SCYL3: variants seen among roughly 807,000 people sequenced by gnomAD.
SCYL3 encodes the protein SCY1 like pseudokinase 3, also known as protein-associating with the carboxyl-terminal domain of ezrin.
Under a neutral mutation model 73.8 loss-of-function variants are expected in SCYL3, and 35 were observed. The ratio of observed to expected loss-of-function variants is 0.47; its 90% CI spans 0.36 to 0.63. The LOEUF is 0.63. Ranked by LOEUF, SCYL3 falls within the 20% of genes least tolerant of loss-of-function variation. SCYL3 has a pLI of 0.00. For missense variants in SCYL3, 712 were observed against 798.9 expected, an observed-to-expected ratio of 0.89 and a Z score of 1.31; for synonymous variants, 277 against 295.2, an observed-to-expected ratio of 0.94 and a Z score of 0.63.
At chr1:169,883,135 G>A (rs1432195623) in intron 2 of SCYL3, among the ~76,000 whole-genome samples, 1 of 151,996 alleles carries the variant, frequency 6.6e-6, no homozygotes, top group Admixed American at 6.6e-5. Flanking sequence ...CCGAACATGA[G>A]AAGGAACAAA....
chr1:169,870,085 C>G (rs562430647), intron 6 of SCYL3, among the ~76,000 whole-genome samples, 170 bp downstream of exon 6: 4 of 152,262 alleles, frequency 2.6e-5, no homozygotes, highest in African/African-American at 9.6e-5. Flanking sequence ...CTAATGAAAC[C>G]CAAAGCTTCT....
At chr1:169,876,211 C>T (rs1660792134) in intron 3 of SCYL3, 120 bp from the exon 4 acceptor site, 2 of 503,200 alleles carry the variant, frequency 4.0e-6, no homozygotes, top group Admixed American at 8.4e-5. Context: ...AAATACTAAT[C>T]ACCAAAAAAA....
intron 10 of SCYL3, 45 bp downstream of exon 10, chr1:169,862,568 T>A (rs778227001): frequency 4.4e-6 from 7 of 1,600,940 alleles, no homozygotes; most frequent in Non-Finnish European, 6.0e-6. Flanking sequence ...TCAGCACTCT[T>A]CCCTCAGGTT....
chr1:169,861,447 G>A (rs756286582), intron 10 of SCYL3, among the ~76,000 whole-genome samples: 16 of 152,282 alleles, frequency 1.1e-4, no homozygotes, highest in East Asian at 5.8e-4. Flanking sequence ...AGAGAAAGGC[G>A]CAGCCTCTCA....
chr1:169,866,543 C>T (rs529901170), intron 8 of SCYL3, among the ~76,000 whole-genome samples: 6 of 152,342 alleles, frequency 3.9e-5, no homozygotes, highest in Admixed American at 1.3e-4. Flanking sequence ...CAACTGTTTG[C>T]GGTTCCTGCA....
At chr1:169,888,310 C>T (rs1661817587) in intron 2 of SCYL3, among the ~76,000 whole-genome samples, 1 of 152,216 alleles carries the variant, frequency 6.6e-6, no homozygotes, top group Non-Finnish European at 1.5e-5. Flanking sequence ...AAGCTGAAGC[C>T]TCCAGAATGA....
intron 10 of SCYL3, among the ~76,000 whole-genome samples, chr1:169,860,356 A>G (rs942766993): frequency 1.6e-4 from 25 of 152,236 alleles, no homozygotes; most frequent in Non-Finnish European, 3.4e-4. Context: ...TGCTCTGCAT[A>G]TAAGGAAGGA....
intron 9 of SCYL3, 60 bp downstream of exon 9, chr1:169,864,309 A>G: frequency 6.2e-7 from 1 of 1,602,578 alleles, no homozygotes; most frequent in Non-Finnish European, 8.5e-7. Context: ...TCCTGCTCAA[A>G]TATGGACTAA....
At chr1:169,885,745 TA>T (rs1350029126) in intron 2 of SCYL3, among the ~76,000 whole-genome samples, 1 of 152,144 alleles carries the variant, frequency 6.6e-6, no homozygotes, top group Non-Finnish European at 1.5e-5. Context: ...GTTCAATAGG[TA>T]AGTGAAAATA....
chr1:169,890,067 G>C (rs1035495648), intron 1 of SCYL3, among the ~76,000 whole-genome samples: 1 of 152,170 alleles, frequency 6.6e-6, no homozygotes, highest in African/African-American at 2.4e-5. Context: ...AGTACTGGCA[G>C]CCTGGCAGAG....
chr1:169,888,636 TA>T, intron 2 of SCYL3, 39 bp downstream of exon 2: 1 of 1,520,526 alleles, frequency 6.6e-7, no homozygotes, highest in Non-Finnish European at 9.0e-7. Context: ...AACAAGATAG[TA>T]AAAAGTACTA....
Position 169,850,462 on chromosome 1 carries a change from A to G in SCYL3, c.*3251T>C. On this transcript the variant is annotated 3_prime_UTR_variant, in exon 13 of 13. Coordinates refer to ENST00000367771, the MANE Select transcript of SCYL3 (RefSeq NM_020423.7). ...GCTTAAACTTTTCACAGTGCTGAGCACAGTGCTGACGACTTTTACTAAGCA... is the reference window on the plus strand; with the variant it reads ...GCTTAAACTTTTCACAGTGCTGAGCGCAGTGCTGACGACTTTTACTAAGCA... The G allele has an allele frequency of 1.4e-6, 1 of 693,830 alleles. No homozygotes were observed. Among genetic ancestry groups the G allele is most frequent in the Non-Finnish European group, 2.4e-6 (1 of 408,800 alleles). 43.0% of individuals were successfully genotyped at this position (693,830 alleles called of 1,614,324 possible). A position where few individuals can be genotyped will look rare whatever the true frequency, so the allele number is the denominator to read the frequency against.
intron 6 of SCYL3, 36 bp from the exon 7 acceptor site, chr1:169,869,075 T>G (rs776295639): frequency 1.3e-6 from 2 of 1,546,692 alleles, no homozygotes; most frequent in Non-Finnish European, 1.8e-6. Context: ...TCCAATGCCT[T>G]CTCCCTCTTT....
rs1558148220 is a variant in SCYL3 at position 169,888,814 on chromosome 1, C to A, written c.27G>T (p.Lys9Asn). The change falls in exon 2 of 13, where the codon AAG becomes AAT. Residue 9 changes from lysine (K) to asparagine (N), a missense_variant. Transcript: ENST00000367771. ...ATGGTGGTTCTCTCAGTGTATAGCT[C>A]TTTAAAGCACTGTTCTCTGATCCCA... The part of the protein sequence containing the change: MGSENSAL[K>N]SYTLREPPFT... 1.2e-6 allele frequency: 2 copies of A among 1,612,962 alleles called. No homozygotes were observed. The highest frequency in any genetic ancestry group is 1.7e-6 in the Non-Finnish European group (2 of 1,179,434).
At chr1:169,859,275 A>G in intron 10 of SCYL3, 63 bp from the exon 11 acceptor site, 2 of 1,478,362 alleles carry the variant, frequency 1.4e-6, no homozygotes, top group Non-Finnish European at 1.8e-6. Flanking sequence ...TTCCCCTGTA[A>G]ATGAGCAATT....
chr1:169,855,105 A>G (rs1659007261), intron 11 of SCYL3, 141 bp from the exon 12 acceptor site: 1 of 598,408 alleles, frequency 1.7e-6, no homozygotes, highest in African/African-American at 1.9e-5. Flanking sequence ...AAGAGATCCC[A>G]GCAGAACATT....
At chr1:169,865,859 A>T (rs1218608710) in intron 8 of SCYL3, among the ~76,000 whole-genome samples, 1 of 151,848 alleles carries the variant, frequency 6.6e-6, no homozygotes, top group African/African-American at 2.4e-5. Flanking sequence ...GTCTCCTCTA[A>T]CCCCTGCTTC....
At chr1:169,875,807 C>T (rs1368636394) in intron 4 of SCYL3, among the ~76,000 whole-genome samples, 171 bp downstream of exon 4, 1 of 152,246 alleles carries the variant, frequency 6.6e-6, no homozygotes, top group African/African-American at 2.4e-5. Context: ...ATGACCCCCA[C>T]TGCCTCTGAG....
At position 169,853,546 on chromosome 1, in the gene SCYL3, C is replaced by T; in HGVS notation, c.*167G>A. ...CACCACCCAGGGCTTTTAGCCAGCA[C>T]TCACAGTCAGTCTCCTACTTCAGTT... is the stretch of plus-strand genomic sequence containing the variant. On this transcript the variant is annotated 3_prime_UTR_variant, in exon 13 of 13. Coordinates refer to ENST00000367771, the MANE Select transcript of SCYL3 (RefSeq NM_020423.7). 1 of 689,986 alleles carries T rather than the reference C, an allele frequency of 1.4e-6. No individual in the cohort carries two copies. Among genetic ancestry groups the T allele is most frequent in the Non-Finnish European group, 2.4e-6 (1 of 408,636 alleles). The allele number at this position is 689,986 out of a possible 1,614,324, so 42.7% of individuals were successfully genotyped here. A position where few individuals can be genotyped will look rare whatever the true frequency, so the allele number is the denominator to read the frequency against.
Sources: allele counts gnomAD v4.1 joint callset (sites outside exome capture counted in the v4.1 genomes callset), GRCh38; gene constraint gnomAD v4.1.1; transcripts MANE v1.5; gene names NCBI Gene and HGNC (gene_info 2026-07-23, HGNC 2026-07-21).